The following KCNMA1 variants were observed in gnomAD, a reference collection of about 807,000 sequenced individuals.
KCNMA1 encodes potassium calcium-activated channel subfamily M alpha 1.
A neutral mutation model predicts 140.0 loss-of-function variants in KCNMA1; 29 were observed. The ratio of observed to expected loss-of-function variants is 0.21; its 90% confidence interval spans 0.15 to 0.28. The LOEUF is 0.28. Among genes scored for constraint, KCNMA1 ranks in the 10% least tolerant of loss-of-function variants. KCNMA1 has a pLI of 1.00. For missense variants in KCNMA1, 880 were observed against 1,602.2 expected (o/e 0.55, Z 7.70); for synonymous variants, 612 against 611.9 (o/e 1.00, Z 0.00).
chr10:76,941,018 G>A (rs183231989), intron 23 of KCNMA1, among the ~76,000 whole-genome samples: 683 of 38,254 alleles, frequency 0.018, 42 homozygotes, highest in African/African-American at 0.081. Context: ...AGGAAGGAAG[G>A]AAGAAAGAAA....
chr10:77,282,433 C>T (rs1421148991), intron 2 of KCNMA1, among the ~76,000 whole-genome samples: 1 of 152,186 alleles, frequency 6.6e-6, no homozygotes, highest in Non-Finnish European at 1.5e-5. Flanking sequence ...TGAAGGATGA[C>T]TCTTATTCTT....
At chr10:77,111,069 A>C (rs926737245) in intron 7 of KCNMA1, among the ~76,000 whole-genome samples, 2 of 152,218 alleles carry the variant, frequency 1.3e-5, no homozygotes, top group Non-Finnish European at 2.9e-5. Flanking sequence ...CTGCAGAGGC[A>C]AAACTTCAAC....
chr10:77,172,846 A>G (rs2098720458), intron 5 of KCNMA1, among the ~76,000 whole-genome samples: 1 of 152,174 alleles, frequency 6.6e-6, no homozygotes, highest in African/African-American at 2.4e-5. Flanking sequence ...TCAAGGCGAC[A>G]ACAGATTCAG....
chr10:77,149,504 T>C (rs913405899), intron 5 of KCNMA1, among the ~76,000 whole-genome samples: 1 of 152,194 alleles, frequency 6.6e-6, no homozygotes, highest in Non-Finnish European at 1.5e-5. Context: ...CTTCACTAAA[T>C]ATGTGTAGAA....
intron 3 of KCNMA1, among the ~76,000 whole-genome samples, chr10:77,201,514 TC>T (rs537761430): frequency 2.2e-4 from 34 of 152,214 alleles, no homozygotes; most frequent in Middle Eastern, 3.4e-3. Context: ...AGGGAGATGC[TC>T]CAGGCAGCAA....
At chr10:77,362,365 C>CCACACACA (rs138917552) in intron 2 of KCNMA1, among the ~76,000 whole-genome samples, 17,392 of 118,718 alleles carry the variant, frequency 0.15, 1,590 homozygotes, top group Admixed American at 0.2. Flanking sequence ...CCCCCCCACC[C>CCACACACA]CACACACACA....
At chr10:76,988,899 G>T (rs560129103) in intron 19 of KCNMA1, among the ~76,000 whole-genome samples, 1 of 152,172 alleles carries the variant, frequency 6.6e-6, no homozygotes, top group African/African-American at 2.4e-5. Flanking sequence ...TTTGCCTGGA[G>T]ATGGTGTCCC....
At chr10:77,583,982 T>C (rs913895209) in intron 1 of KCNMA1, among the ~76,000 whole-genome samples, 1 of 152,234 alleles carries the variant, frequency 6.6e-6, no homozygotes, top group African/African-American at 2.4e-5. Flanking sequence ...AGAGACAGAT[T>C]GCAGGGGGCT....
chr10:77,185,443 C>T (rs1445056144), intron 3 of KCNMA1, among the ~76,000 whole-genome samples: 2 of 152,032 alleles, frequency 1.3e-5, no homozygotes, highest in Non-Finnish European at 2.9e-5. Flanking sequence ...AGGAGCATCT[C>T]AAGAAAGCTA....
rs75974908 is a variant in KCNMA1 at position 77,491,106 on chromosome 10, C to T, written c.379-87083G>A. Among the ~76,000 whole-genome samples the T allele has an allele frequency of 2.9e-3, 447 of 152,340 alleles. 11 individuals are homozygous for T. In the East Asian group the frequency reaches 0.076, roughly 26 times the overall value. The stretch of plus-strand genomic sequence containing the variant: ...GTCATTATCTAAAAGAAAACCAACG[C>T]TGGCTCTCAGGTTTTGTTTGTCCTG... On this transcript the variant is annotated intron_variant, in intron 1 of 27. Transcript: ENST00000286628.
intron 2 of KCNMA1, among the ~76,000 whole-genome samples, chr10:77,346,102 C>T (rs2154380964): frequency 6.6e-6 from 1 of 152,294 alleles, no homozygotes. Flanking sequence ...GGAATCTATG[C>T]TAGTCTTCAT....
At position 76,887,120 on chromosome 10, in the gene KCNMA1, C is replaced by T. The variant is rs1468616411; in HGVS notation, c.*146G>A. ...GGTGGTGAAATAAAAATGACAACCACATGCACACTATCATACATATGCAAA... is the reference window on the plus strand; with the variant it reads ...GGTGGTGAAATAAAAATGACAACCATATGCACACTATCATACATATGCAAA... On this transcript the variant is annotated 3_prime_UTR_variant, in exon 28 of 28. Coordinates refer to ENST00000286628, the MANE Select transcript of KCNMA1 (RefSeq NM_001161352.2). 5 of 1,590,314 alleles carry T rather than the reference C, an allele frequency of 3.1e-6. No individual in the cohort carries two copies. Among genetic ancestry groups the T allele is most frequent in the African/African-American group, 1.3e-5 (1 of 74,408 alleles).
In KCNMA1 at chr10:77,515,215, G is replaced by C. The variant is rs534422862; in HGVS notation, c.379-111192C>G. ...TGCTGCATTCAGCACCGGGGGATGG[G>C]GGGGAAAGGAGAGCGTGCAATGGCT... On this transcript the variant is annotated intron_variant, in intron 1 of 27. Coordinates refer to ENST00000286628, the MANE Select transcript of KCNMA1 (RefSeq NM_001161352.2). Among the ~76,000 whole-genome samples, 467 of 152,252 alleles carry C rather than the reference G, an allele frequency of 3.1e-3. 2 individuals are homozygous for C. Among genetic ancestry groups the C allele is most frequent in the Admixed American group, 6.3e-3 (97 of 15,288 alleles).
At chr10:77,201,776 G>C (rs926084221) in intron 3 of KCNMA1, among the ~76,000 whole-genome samples, 2 of 151,606 alleles carry the variant, frequency 1.3e-5, no homozygotes, top group Non-Finnish European at 2.9e-5. Flanking sequence ...TGACTGGAGA[G>C]GTAATAAAAC....
chr10:77,561,365 T>A (rs1164354166), intron 1 of KCNMA1, among the ~76,000 whole-genome samples: 3 of 152,212 alleles, frequency 2.0e-5, no homozygotes, highest in Non-Finnish European at 4.4e-5. Flanking sequence ...TTTGATCTCA[T>A]CATCAGCTTG....
At chr10:77,063,735 C>A (rs986465346) in intron 14 of KCNMA1, 12 of 985,284 alleles carry the variant, frequency 1.2e-5, no homozygotes, top group Admixed American at 6.1e-5. Flanking sequence ...TTTCATGTAA[C>A]AATCACTAAC....
intron 19 of KCNMA1, among the ~76,000 whole-genome samples, chr10:76,985,373 T>C (rs893299227): frequency 6.6e-6 from 1 of 152,200 alleles, no homozygotes; most frequent in Non-Finnish European, 1.5e-5. Flanking sequence ...TACTAAGAAA[T>C]CAGGAAAATG....
At chr10:77,313,290 C>T (rs2079840438) in intron 2 of KCNMA1, among the ~76,000 whole-genome samples, 1 of 152,154 alleles carries the variant, frequency 6.6e-6, no homozygotes, top group African/African-American at 2.4e-5. Context: ...AGTTGCTCTG[C>T]AGGATTAGCG....
At chr10:77,237,164 C>T (rs479495) in intron 3 of KCNMA1, among the ~76,000 whole-genome samples, 52,196 of 152,058 alleles carry the variant, frequency 0.34, 9,361 homozygotes, top group East Asian at 0.56. Context: ...AGAACAATAC[C>T]AATAATATCT....
Sources: gnomAD v4.1 joint callset for allele counts (sites outside exome capture counted in the v4.1 genomes callset) on GRCh38, gnomAD v4.1.1 for gene constraint, MANE v1.5 for transcripts, NCBI Gene and HGNC (gene_info 2026-07-23, HGNC 2026-07-21) for gene names.